GRID2: variants seen among roughly 807,000 people sequenced by gnomAD.
The protein encoded by GRID2 is glutamate receptor ionotropic, delta-2.
Under a neutral mutation model 114.8 loss-of-function variants are expected in GRID2, and 33 were observed. That is an observed-to-expected ratio of 0.29 (90% confidence interval 0.22 to 0.38). GRID2 has a LOEUF of 0.38. Among genes scored for constraint, GRID2 ranks in the 10% least tolerant of loss-of-function variants. GRID2 has a pLI of 1.00. For synonymous variants in GRID2, 505 were observed against 449.9 expected (o/e 1.12, Z -1.55); for missense variants, 1,184 against 1,257.7 (o/e 0.94, Z 0.89).
intron 12 of GRID2, among the ~76,000 whole-genome samples, chr4:93,505,900 A>T (rs1048592648): frequency 2.0e-5 from 3 of 152,128 alleles, no homozygotes; most frequent in African/African-American, 7.2e-5. Context: ...TCAATAAGTC[A>T]GACAAGCCAG....
intron 10 of GRID2, among the ~76,000 whole-genome samples, chr4:93,447,669 T>C (rs571929190): frequency 1.4e-4 from 22 of 152,114 alleles, no homozygotes; most frequent in Middle Eastern, 3.4e-3. Context: ...GTTATTTGTT[T>C]ACAAACAAAT....
intron 10 of GRID2, among the ~76,000 whole-genome samples, chr4:93,454,351 G>A (rs948817050): frequency 1.3e-5 from 2 of 151,910 alleles, no homozygotes; most frequent in African/African-American, 2.4e-5. Flanking sequence ...CACAGCCTTC[G>A]GAATAAGTAA....
At chr4:92,556,269 A>G (rs1224270509) in intron 1 of GRID2, among the ~76,000 whole-genome samples, 1 of 152,118 alleles carries the variant, frequency 6.6e-6, no homozygotes, top group Non-Finnish European at 1.5e-5. Context: ...CCTTCTTTGT[A>G]TGGTCAAAGG....
chr4:92,989,735 C>T (rs934871085), intron 2 of GRID2, among the ~76,000 whole-genome samples: 3 of 152,100 alleles, frequency 2.0e-5, no homozygotes, highest in Non-Finnish European at 4.4e-5. Context: ...TAATATTAAC[C>T]TGTTAACAAT....
In GRID2 at chr4:92,491,199, T is replaced by C. The variant is rs544796838; in HGVS notation, c.89-98932T>C. On this transcript the variant is annotated intron_variant, in intron 1 of 15. Transcript: ENST00000282020. ...TAATAAATGGCTGGATAAGAACATT[T>C]ATTTGTAAACCTTTGGAAGGAGACT... Among the ~76,000 whole-genome samples the C allele has an allele frequency of 3.9e-5, 6 of 152,242 alleles. No individual in the cohort carries two copies. In the South Asian group the frequency reaches 8.3e-4, roughly 21 times the overall value.
chr4:93,645,775 G>T (rs1722054920), intron 14 of GRID2, among the ~76,000 whole-genome samples: 1 of 152,086 alleles, frequency 6.6e-6, no homozygotes, highest in Non-Finnish European at 1.5e-5. Flanking sequence ...CTGTACCACT[G>T]ATGTCACATT....
Position 92,722,128 on chromosome 4 carries a change from G to T in GRID2, c.244+131842G>T, listed in dbSNP as rs529345273. Among the ~76,000 whole-genome samples, 3 of 152,286 alleles carry T rather than the reference G, an allele frequency of 2.0e-5. No individual in the cohort carries two copies. The South Asian group carries it at 6.2e-4, about 32-fold the overall frequency. On this transcript the variant is annotated intron_variant, in intron 2 of 15. Transcript: ENST00000282020. ...ACTGGCAATGGCTAAATCAGATGCA[G>T]TGTAGTCCGTGAGAGACATCAGAGG...
At chr4:92,965,884 C>T (rs942729211) in intron 2 of GRID2, among the ~76,000 whole-genome samples, 13 of 151,794 alleles carry the variant, frequency 8.6e-5, no homozygotes, top group African/African-American at 2.9e-4. Context: ...GACAACCAAG[C>T]CCTCCTCCAA....
chr4:92,563,410 G>C (rs1727191388), intron 1 of GRID2, among the ~76,000 whole-genome samples: 1 of 151,986 alleles, frequency 6.6e-6, no homozygotes, highest in African/African-American at 2.4e-5. Context: ...TGCTGAGCTG[G>C]AAAATTGATT....
At chr4:92,869,405 A>G (rs1745114861) in intron 2 of GRID2, among the ~76,000 whole-genome samples, 1 of 152,210 alleles carries the variant, frequency 6.6e-6, no homozygotes, top group Non-Finnish European at 1.5e-5. Flanking sequence ...TGAGGTCCAC[A>G]TGGATATAAT....
intron 14 of GRID2, among the ~76,000 whole-genome samples, chr4:93,683,686 C>G (rs1277295867): frequency 6.6e-6 from 1 of 152,034 alleles, no homozygotes. Flanking sequence ...TGTTACAGTT[C>G]TCTTCATTAA....
intron 1 of GRID2, among the ~76,000 whole-genome samples, chr4:92,556,923 A>G (rs1212813030): frequency 1.3e-5 from 2 of 152,208 alleles, no homozygotes; most frequent in African/African-American, 4.8e-5. Context: ...AAACCGTTTT[A>G]CATGCTGCCT....
At chr4:92,941,572 G>A (rs934294957) in intron 2 of GRID2, among the ~76,000 whole-genome samples, 2 of 152,070 alleles carry the variant, frequency 1.3e-5, no homozygotes, top group Non-Finnish European at 2.9e-5. Context: ...ATTTCCTTCA[G>A]TTCTGCTCTG....
chr4:93,112,616 T>A (rs1732874316), intron 4 of GRID2, among the ~76,000 whole-genome samples: 1 of 152,120 alleles, frequency 6.6e-6, no homozygotes, highest in Non-Finnish European at 1.5e-5. Context: ...AAATGACCCA[T>A]CTTGGGTAGT....
intron 1 of GRID2, among the ~76,000 whole-genome samples, chr4:92,544,611 G>C (rs1231757291): frequency 6.6e-6 from 1 of 152,120 alleles, no homozygotes; most frequent in South Asian, 2.1e-4. Context: ...TATTAAAAGA[G>C]CACTGACGCA....
intron 1 of GRID2, among the ~76,000 whole-genome samples, chr4:92,511,070 A>C (rs758060157): frequency 1.3e-5 from 2 of 151,796 alleles, no homozygotes; most frequent in Non-Finnish European, 2.9e-5. Context: ...CACATACCTG[A>C]GGCTGGGTTA....
chr4:93,095,854 C>A (rs1578974532), intron 3 of GRID2, among the ~76,000 whole-genome samples: 2 of 151,912 alleles, frequency 1.3e-5, no homozygotes, highest in East Asian at 3.9e-4. Flanking sequence ...AATCAAAAAT[C>A]TTAAATTTTT....
intron 2 of GRID2, among the ~76,000 whole-genome samples, chr4:92,799,530 C>G (rs1484129968): frequency 6.6e-6 from 1 of 151,968 alleles, no homozygotes; most frequent in Non-Finnish European, 1.5e-5. Context: ...TTGCAGGTAG[C>G]CTCCTTGTCA....
chr4:92,339,359 A>G (rs1297804547), intron 1 of GRID2, among the ~76,000 whole-genome samples: 4 of 152,146 alleles, frequency 2.6e-5, no homozygotes, highest in Admixed American at 2.0e-4. Flanking sequence ...TACTCCATAT[A>G]TTGGTTTTAA....
Sources: allele counts gnomAD v4.1 joint callset (sites outside exome capture counted in the v4.1 genomes callset), GRCh38; gene constraint gnomAD v4.1.1; transcripts MANE v1.5; gene names NCBI Gene and HGNC (gene_info 2026-07-23, HGNC 2026-07-21).